Variants in IL7 observed in about 807,000 individuals in gnomAD.
IL7 encodes the protein interleukin-7.
In IL7, 3 loss-of-function variants were observed where a neutral mutation model predicts 21.6. The ratio of observed to expected loss-of-function variants is 0.14; its 90% CI spans 0.06 to 0.36. The LOEUF (loss-of-function observed/expected upper bound fraction) is 0.36, where lower values mean the gene tolerates loss of function less well. IL7 is among the 10% of genes least tolerant of loss of function. The pLI is 1.00. For synonymous variants in IL7, 62 were observed against 68.1 expected (o/e 0.91, Z 0.44); for missense variants, 175 against 200.2 (o/e 0.87, Z 0.76).
chr8:78,682,241 C>T (rs1488782468), intron 4 of IL7, among the ~76,000 whole-genome samples: 1 of 152,074 alleles, frequency 6.6e-6, no homozygotes, highest in Admixed American at 6.6e-5. Flanking sequence ...TAAACTGTAA[C>T]CAATACCATA....
At chr8:78,698,366 G>A in intron 3 of IL7, 1 of 1,467,578 alleles carries the variant, frequency 6.8e-7, no homozygotes, top group Non-Finnish European at 9.4e-7. Flanking sequence ...TCTGTTTTAT[G>A]TAACCTTTTT....
chr8:78,776,250 T>C lies in IL7; in HGVS notation c.147+21822A>G, dbSNP rs140266231. On this transcript the variant is annotated intron_variant, in intron 2 of 5. Coordinates refer to ENST00000263851, the MANE Select transcript of IL7 (RefSeq NM_000880.4). Reference sequence around the variant, plus strand: ...CCAATCTGATAATCTAAAAGGCTACTATGAGACTAATGGGCAGGTAGCATC... The same window carrying C: ...CCAATCTGATAATCTAAAAGGCTACCATGAGACTAATGGGCAGGTAGCATC... Among the ~76,000 whole-genome samples, 1,331 of 152,136 alleles carry C rather than the reference T, an allele frequency of 8.7e-3. 14 individuals carry two copies. The highest frequency in any genetic ancestry group is 0.03 in the African/African-American group (1,256 of 41,528).
At chr8:78,682,025 G>A (rs1207796114) in intron 4 of IL7, among the ~76,000 whole-genome samples, 1 of 151,446 alleles carries the variant, frequency 6.6e-6, no homozygotes, top group African/African-American at 2.4e-5. Context: ...TTACAGGCAT[G>A]AGCCGTCATA....
At chr8:78,715,604 T>C (rs1271953174), downstream of IL7, among the ~76,000 whole-genome samples, 1 of 152,178 alleles carries the variant, frequency 6.6e-6, no homozygotes, top group African/African-American at 2.4e-5. Flanking sequence ...GAAGAAGTTG[T>C]TCCAAACTTC....
chr8:78,709,435 A>T (rs1810884954), intron 3 of IL7, among the ~76,000 whole-genome samples: 1 of 152,106 alleles, frequency 6.6e-6, no homozygotes, highest in Non-Finnish European at 1.5e-5. Flanking sequence ...TTTATTGTTG[A>T]TCTAGAAATG....
intron 2 of IL7, among the ~76,000 whole-genome samples, chr8:78,794,774 G>C (rs1813800411): frequency 6.6e-6 from 1 of 151,944 alleles, no homozygotes; most frequent in African/African-American, 2.4e-5. Context: ...TAACAAACAG[G>C]AAGTCACTCT....
intron 2 of IL7, among the ~76,000 whole-genome samples, chr8:78,784,102 G>T (rs1813431209): frequency 6.6e-6 from 1 of 152,190 alleles, no homozygotes; most frequent in Non-Finnish European, 1.5e-5. Flanking sequence ...AAATTCATAT[G>T]TTGAAATCCT....
intron 2 of IL7, among the ~76,000 whole-genome samples, chr8:78,779,939 T>TA (rs1367415354): frequency 1.3e-5 from 2 of 152,330 alleles, no homozygotes; most frequent in East Asian, 3.9e-4. Context: ...ATTCAAGGAT[T>TA]CAACTTCTTC....
chr8:78,690,095 G>A (rs567228874), intron 3 of IL7, among the ~76,000 whole-genome samples: 29 of 152,306 alleles, frequency 1.9e-4, no homozygotes, highest in Non-Finnish European at 3.4e-4. Flanking sequence ...ACCTTGGTTG[G>A]AAATCAGATG....
At chr8:78,676,976 A>G (rs1355273935) in intron 4 of IL7, among the ~76,000 whole-genome samples, 6 of 152,104 alleles carry the variant, frequency 3.9e-5, no homozygotes, top group African/African-American at 1.4e-4. Flanking sequence ...CTAGATAGTC[A>G]TCTGCTATCC....
At chr8:78,804,219 G>T (rs1814207200) in intron 1 of IL7, among the ~76,000 whole-genome samples, 1 of 152,082 alleles carries the variant, frequency 6.6e-6, no homozygotes, top group Non-Finnish European at 1.5e-5. Flanking sequence ...GGAAGTTAGA[G>T]TCACGCCTAT....
At chr8:78,714,446 CT>C (rs1425119902), downstream of IL7, among the ~76,000 whole-genome samples, 3 of 152,072 alleles carry the variant, frequency 2.0e-5, no homozygotes, top group Non-Finnish European at 4.4e-5. Flanking sequence ...ATGAATTGTA[CT>C]TTTTTTCTCA....
chr8:78,804,504 C>G (rs1257484815), intron 1 of IL7, among the ~76,000 whole-genome samples: 1 of 152,190 alleles, frequency 6.6e-6, no homozygotes, highest in African/African-American at 2.4e-5. Context: ...TGCAAGAGCC[C>G]AGCTACTCGC....
At chr8:78,745,331 C>G (rs1811944193) in intron 2 of IL7, among the ~76,000 whole-genome samples, 1 of 152,204 alleles carries the variant, frequency 6.6e-6, no homozygotes, top group Admixed American at 6.5e-5. Context: ...TATACACAAA[C>G]ACACAATTTC....
chr8:78,741,646 G>C (rs1453990436), intron 2 of IL7, among the ~76,000 whole-genome samples: 2 of 152,012 alleles, frequency 1.3e-5, no homozygotes, highest in Non-Finnish European at 2.9e-5. Context: ...ACTTATTTTT[G>C]GCAGATCCAC....
chr8:78,795,085 T>A (rs1441203064), intron 2 of IL7, among the ~76,000 whole-genome samples: 1 of 152,096 alleles, frequency 6.6e-6, no homozygotes, highest in Non-Finnish European at 1.5e-5. Context: ...GGCCTCAGAT[T>A]CTTCTGTTGT....
chr8:78,797,850 T>G (rs764683718), intron 2 of IL7: 1 of 373,268 alleles, frequency 2.7e-6, no homozygotes, highest in African/African-American at 2.1e-5. Context: ...AGGACTGAAA[T>G]GAATAGTTGT....
chr8:78,699,223 C>G (rs989174914), intron 3 of IL7, among the ~76,000 whole-genome samples: 11 of 151,934 alleles, frequency 7.2e-5, no homozygotes, highest in Non-Finnish European at 1.5e-4. Flanking sequence ...TATTTTTCTA[C>G]TGTTATATTT....
At chr8:78,747,207 T>TTTTTTTTTC (rs1563418511) in intron 2 of IL7, 1 of 378,306 alleles carries the variant, frequency 2.6e-6, no homozygotes, top group African/African-American at 2.2e-5. Flanking sequence ...TTTTTTTTTT[T>TTTTTTTTTC]TTGAGATGGG....
Sources: gnomAD v4.1 joint callset for allele counts (sites outside exome capture counted in the v4.1 genomes callset) on GRCh38, gnomAD v4.1.1 for gene constraint, MANE v1.5 for transcripts, NCBI Gene and HGNC (gene_info 2026-07-23, HGNC 2026-07-21) for gene names.